FAT3: variants seen among roughly 807,000 people sequenced by gnomAD.
The protein encoded by FAT3 is FAT atypical cadherin 3.
In FAT3, 95 loss-of-function variants were observed where a neutral mutation model predicts 310.2. That is an observed-to-expected ratio of 0.31 (90% confidence interval 0.26 to 0.36). The LOEUF (loss-of-function observed/expected upper bound fraction) is 0.36. Ranked by LOEUF, FAT3 falls within the 10% of genes least tolerant of loss-of-function variation. The probability of loss-of-function intolerance (pLI) is 1.00; values close to 1 mark genes in which losing one functional copy is unlikely to be tolerated. For missense variants in FAT3, 5,408 were observed against 5,715.6 expected (o/e 0.95, Z 1.74); for synonymous variants, 2,314 against 2,192.9 (o/e 1.06, Z -1.54).
chr11:92,226,109 G>C (rs1317513733), intron 1 of FAT3, among the ~76,000 whole-genome samples: 1 of 152,156 alleles, frequency 6.6e-6, no homozygotes, highest in Non-Finnish European at 1.5e-5. Context: ...GCAAGTGTAG[G>C]GGGCTGAGGG....
chr11:92,326,590 T>C (rs1463377412), intron 1 of FAT3, among the ~76,000 whole-genome samples: 1 of 152,238 alleles, frequency 6.6e-6, no homozygotes. Context: ...ATGGTTGTAG[T>C]TGATGGTGGA....
intron 3 of FAT3, among the ~76,000 whole-genome samples, chr11:92,543,356 G>A (rs1954513165): frequency 6.6e-6 from 1 of 152,126 alleles, no homozygotes; most frequent in South Asian, 2.1e-4. Flanking sequence ...CACAAAAAAG[G>A]TAAGTATATT....
intron 3 of FAT3, among the ~76,000 whole-genome samples, chr11:92,532,066 C>G (rs1200570525): frequency 2.6e-5 from 4 of 152,076 alleles, no homozygotes; most frequent in African/African-American, 9.7e-5. Context: ...TGGCCCCTAG[C>G]AAAGCACCCT....
In FAT3 at chr11:92,488,749, C is replaced by G. The variant is rs1952509660; in HGVS notation, c.3293-35885C>G. Among the ~76,000 whole-genome samples, 2 of 152,016 alleles carry G rather than the reference C, an allele frequency of 1.3e-5. 1 individual carries two copies. The highest frequency in any genetic ancestry group is 4.1e-4 in the South Asian group (2 of 4,822). On this transcript the variant is annotated intron_variant, in intron 2 of 27. Transcript: ENST00000525166. Reference sequence around the variant, plus strand: ...TTAAGTGTTATTTGCTCAGCAAAGCCTTCTCCCACCTCAGCCTGGATGAGG... The same window carrying G: ...TTAAGTGTTATTTGCTCAGCAAAGCGTTCTCCCACCTCAGCCTGGATGAGG...
Position 92,616,601 on chromosome 11 carries a change from G to T in FAT3, c.3608-80783G>T, listed in dbSNP as rs571988803. Among the ~76,000 whole-genome samples, 142 of 152,288 alleles carry T rather than the reference G, an allele frequency of 9.3e-4. 2 individuals are homozygous for T. The highest frequency in any genetic ancestry group is 3.4e-3 in the African/African-American group (141 of 41,558). ...GGTCTTTACAATTTGGCATGTTTTT[G>T]CAGTAGCTGGTACCGGTTGTTCCTT... On this transcript the variant is annotated intron_variant, in intron 3 of 27. Transcript: ENST00000525166.
At chr11:92,835,379 C>T (rs189503348) in intron 15 of FAT3, among the ~76,000 whole-genome samples, 1 of 152,034 alleles carries the variant, frequency 6.6e-6, no homozygotes, top group Non-Finnish European at 1.5e-5. Context: ...TTAATGATGG[C>T]CCCCTATGTA....
chr11:92,516,628 G>T (rs1953495347), intron 2 of FAT3, among the ~76,000 whole-genome samples: 1 of 152,138 alleles, frequency 6.6e-6, no homozygotes, highest in Non-Finnish European at 1.5e-5. Context: ...AGTATTGGAA[G>T]TTCTGGCCAG....
intron 3 of FAT3, among the ~76,000 whole-genome samples, chr11:92,691,146 T>G (rs892434401): frequency 4.6e-5 from 7 of 152,174 alleles, no homozygotes; most frequent in Non-Finnish European, 7.3e-5. Flanking sequence ...TCTTGTAATA[T>G]TCCTTATATT....
chr11:92,574,836 C>T (rs1030525183), intron 3 of FAT3, among the ~76,000 whole-genome samples: 3 of 152,112 alleles, frequency 2.0e-5, no homozygotes, highest in African/African-American at 7.2e-5. Context: ...GGCTGCATAC[C>T]TTATAGCAAC....
At chr11:92,499,003 A>G (rs1214464519) in intron 2 of FAT3, 2 of 151,984 alleles carry the variant, frequency 1.3e-5, no homozygotes, top group Non-Finnish European at 2.9e-5. Flanking sequence ...GTGTTTATAG[A>G]GATGTAAACT....
intron 21 of FAT3, 82 bp downstream of exon 21, chr11:92,859,404 A>G (rs1949066549): frequency 5.1e-6 from 7 of 1,362,076 alleles, no homozygotes; most frequent in Non-Finnish European, 5.8e-6. Context: ...GGCTGAAATC[A>G]TTTTGTCTTT....
At chr11:92,889,809 A>T (rs367653497) in intron 26 of FAT3, 47 bp from the exon 27 acceptor site, 1 of 717,600 alleles carries the variant, frequency 1.4e-6, no homozygotes. Context: ...ATCCCTCTTC[A>T]CATGGTTTGG....
chr11:92,329,216 T>C (rs1404290048), intron 1 of FAT3, among the ~76,000 whole-genome samples: 1 of 152,004 alleles, frequency 6.6e-6, no homozygotes, highest in Non-Finnish European at 1.5e-5. Flanking sequence ...TTGATCCTAA[T>C]GTTGGAGGTG....
chr11:92,301,706 A>G (rs1043232660), intron 1 of FAT3, among the ~76,000 whole-genome samples: 1 of 152,004 alleles, frequency 6.6e-6, no homozygotes, highest in Admixed American at 6.6e-5. Context: ...GTGAGCTTGC[A>G]ATTTGTTTCA....
intron 4 of FAT3, among the ~76,000 whole-genome samples, chr11:92,717,953 C>CA (rs577448182): frequency 8.8e-4 from 134 of 152,118 alleles, no homozygotes; most frequent in African/African-American, 3.1e-3. Context: ...TGGTGGATTG[C>CA]AAAAAATGGC....
At chr11:92,793,269 C>T (rs976917317) in intron 9 of FAT3, among the ~76,000 whole-genome samples, 5 of 152,202 alleles carry the variant, frequency 3.3e-5, no homozygotes, top group African/African-American at 1.2e-4. Context: ...TGGCTTTTAC[C>T]TGTGGACCAA....
chr11:92,808,843 G>A (rs540187923), intron 12 of FAT3, among the ~76,000 whole-genome samples: 134 of 152,016 alleles, frequency 8.8e-4, no homozygotes, highest in Non-Finnish European at 1.4e-3. Context: ...GGAGAATGGC[G>A]TGAACCCAGG....
chr11:92,820,954 A>G (rs773812910), intron 13 of FAT3, among the ~76,000 whole-genome samples: 6 of 152,180 alleles, frequency 3.9e-5, no homozygotes, highest in African/African-American at 1.2e-4. Context: ...TGTGCAGATC[A>G]ATGGCAATTA....
In FAT3 at chr11:92,834,953, C is replaced by G; in HGVS notation, c.9955C>G (p.Pro3319Ala). ...LVVEAKDGGT[P>A]ALSAVATVNI... ...AGTGGAAGCCAAAGATGGGGGCACC[C>G]CAGCTCTCAGCGCTGTGGCCACTGT... Residue 3319 changes from proline to alanine, a missense_variant, in exon 15 of 28, where the codon CCA becomes GCA. This residue lies in a region of FAT3 where 4,588 missense variants were observed against 4,809.8 expected (regional missense o/e 0.95). Coordinates refer to ENST00000525166, the MANE Select transcript of FAT3 (RefSeq NM_001367949.2). 1 of 1,613,236 alleles carries G rather than the reference C, an allele frequency of 6.2e-7. No individual in the cohort carries two copies. Among genetic ancestry groups the G allele is most frequent in the Non-Finnish European group, 8.5e-7 (1 of 1,179,650 alleles).
Sources: allele counts gnomAD v4.1 joint callset (sites outside exome capture counted in the v4.1 genomes callset), GRCh38; gene constraint gnomAD v4.1.1; regional missense constraint gnomAD v4.1.1; transcripts MANE v1.5; gene names NCBI Gene and HGNC (gene_info 2026-07-23, HGNC 2026-07-21).